The following PARN variants were observed in gnomAD, a reference collection of about 807,000 sequenced individuals.
PARN encodes the protein poly(A)-specific ribonuclease PARN.
PARN carries 71 observed loss-of-function variants against 102.8 expected under a neutral mutation model. That is an observed-to-expected ratio of 0.69 (90% CI 0.57 to 0.84). The LOEUF is 0.84. Among genes scored for constraint, PARN ranks in the 40% least tolerant of loss-of-function variants. PARN has a pLI of 0.00. For missense variants in PARN, 782 were observed against 760.9 expected, an observed-to-expected ratio of 1.03 and a Z score of -0.33; for synonymous variants, 261 against 252.9, an observed-to-expected ratio of 1.03 and a Z score of -0.30.
intron 22 of PARN, among the ~76,000 whole-genome samples, chr16:14,464,061 G>A (rs986576190): frequency 3.9e-5 from 6 of 152,062 alleles, no homozygotes; most frequent in South Asian, 2.1e-4. Context: ...CAGGCAGGTC[G>A]TGAACTCTTA....
intron 21 of PARN, among the ~76,000 whole-genome samples, chr16:14,539,515 C>T (rs976071501): frequency 2.0e-5 from 3 of 152,182 alleles, no homozygotes; most frequent in East Asian, 1.9e-4. Context: ...ATACATAAGA[C>T]GGCTAATTCT....
chr16:14,606,396 GGAAA>G, intron 10 of PARN, 84 bp downstream of exon 10: 2 of 495,610 alleles, frequency 4.0e-6, no homozygotes, highest in Admixed American at 4.8e-5. Context: ...AGACCCTGAG[GGAAA>G]AAAAAAAAGA....
Position 14,492,834 on chromosome 16 carries a change from T to C in PARN, c.1481-10007A>G, listed in dbSNP as rs371643238. On this transcript the variant is annotated intron_variant, in intron 21 of 23. Transcript: ENST00000437198. ...GCTCTGAGGCCACACAGGCCTGGGT[T>C]AGAATCCTGCCCAAACCTTAAGTTG... Among the ~76,000 whole-genome samples the C allele has an allele frequency of 4.5e-4, 69 of 152,324 alleles. 1 individual carries two copies. In the East Asian group the frequency reaches 0.01, roughly 23 times the overall value.
At chr16:14,491,192 G>A (rs1364161977) in intron 21 of PARN, among the ~76,000 whole-genome samples, 2 of 150,762 alleles carry the variant, frequency 1.3e-5, no homozygotes, top group African/African-American at 4.9e-5. Flanking sequence ...TCCTTACCCT[G>A]CTGACATGAT....
chr16:14,485,668 T>A (rs1405022040), intron 21 of PARN, among the ~76,000 whole-genome samples: 5 of 151,922 alleles, frequency 3.3e-5, no homozygotes, highest in African/African-American at 7.3e-5. Context: ...TTTTTTTTTT[T>A]AAGAAAGTTC....
intron 21 of PARN, among the ~76,000 whole-genome samples, chr16:14,487,714 G>A (rs924788746): frequency 6.6e-6 from 1 of 152,230 alleles, no homozygotes; most frequent in Admixed American, 6.5e-5. Flanking sequence ...GTGGTTGTGA[G>A]AGCCTGGGGC....
intron 13 of PARN, among the ~76,000 whole-genome samples, chr16:14,591,206 T>TGGTGAAACCCCATCTCCA: frequency 6.6e-6 from 1 of 151,764 alleles, no homozygotes; most frequent in South Asian, 2.1e-4. Flanking sequence ...CTGGCCAACA[T>TGGTGAAACCCCATCTCCA]GGTGAAACCC....
chr16:14,535,160 C>T (rs1020896306), intron 21 of PARN, among the ~76,000 whole-genome samples: 2 of 152,122 alleles, frequency 1.3e-5, no homozygotes, highest in African/African-American at 4.8e-5. Context: ...GTCATGTTTA[C>T]TTTTTATAAT....
intron 12 of PARN, among the ~76,000 whole-genome samples, chr16:14,597,095 T>TC (rs1234854246): frequency 6.6e-6 from 1 of 152,140 alleles, no homozygotes; most frequent in East Asian, 1.9e-4. Context: ...CCCATTTTTT[T>TC]CTTTATAGAA....
Position 14,606,509 on chromosome 16 carries a change from T to G in PARN, c.677A>C (p.His226Pro). The change falls in exon 10 of 24, where the codon CAT (histidine) becomes CCT (proline). Residue 226 changes from histidine (H) to proline (P), a missense_variant. Physicochemically the swap from His to Pro is moderately conservative, Grantham distance 77. Transcript: ENST00000437198. ...TLSWKYPKGI[H>P]VETLETEKKE... is the part of the protein sequence containing the mutation. ...CTTTTCAGTTTCTAAAGTCTCAACA[T>G]GAATGCCTTTCGGATACCTAAAGAA... The G allele has an allele frequency of 6.3e-7, 1 of 1,577,268 alleles. No homozygotes were observed. Among genetic ancestry groups the G allele is most frequent in the Non-Finnish European group, 8.7e-7 (1 of 1,154,410 alleles).
At chr16:14,589,781 C>T (rs12934743) in intron 13 of PARN, among the ~76,000 whole-genome samples, 30,533 of 151,464 alleles carry the variant, frequency 0.2, 3,719 homozygotes, top group Middle Eastern at 0.27. Flanking sequence ...GCAGAAGAAT[C>T]GCTTGAACCC....
rs938554258 is a variant in PARN at position 14,618,673 on chromosome 16, A to T, written c.328-1023T>A. Among the ~76,000 whole-genome samples the T allele has an allele frequency of 9.9e-5, 15 of 151,708 alleles. No individual in the cohort carries two copies. The East Asian group carries it at 2.3e-3, about 24-fold the overall frequency. ...GACTGTCTCAAAAAAAAAAAAAAAA[A>T]ATATTCCACTGGGCGAACGGATTAT... On this transcript the variant is annotated intron_variant, in intron 5 of 23. Transcript: ENST00000437198.
intron 21 of PARN, among the ~76,000 whole-genome samples, chr16:14,512,662 A>C (rs1005452148): frequency 1.3e-5 from 2 of 152,278 alleles, no homozygotes; most frequent in African/African-American, 4.8e-5. Flanking sequence ...TGGGCTCAGA[A>C]ACCTTTGATA....
intron 22 of PARN, among the ~76,000 whole-genome samples, chr16:14,460,309 A>G (rs1156906066): frequency 2.0e-5 from 3 of 152,252 alleles, no homozygotes; most frequent in Admixed American, 1.3e-4. Context: ...ATGACAGACA[A>G]AAACCAAAAC....
Position 14,446,965 on chromosome 16 carries a change from G to A in PARN, c.1787C>T (p.Ser596Phe), listed in dbSNP as rs1051834133. The change falls in exon 23 of 24, where the codon TCC becomes TTC. Residue 596 changes from serine (S) to phenylalanine (F), a missense_variant. By Grantham distance (155) the Ser-to-Phe change is radical. Coordinates refer to ENST00000437198, the MANE Select transcript of PARN (RefSeq NM_002582.4). ...ISDTELEQTD[S>F]CAEPLSEGRK... Reference sequence around the variant, plus strand: ...TCCCTCTGAGAGGGGCTCTGCACAGGAATCGGTCTGCTCAAGCTCAGTGTC... The same window carrying A: ...TCCCTCTGAGAGGGGCTCTGCACAGAAATCGGTCTGCTCAAGCTCAGTGTC... 2.5e-6 allele frequency: 4 copies of A among 1,613,550 alleles called. No individual in the cohort carries two copies. In the African/African-American group the frequency reaches 5.3e-5, roughly 22 times the overall value.
chr16:14,609,279 T>A (rs537869322), intron 7 of PARN, among the ~76,000 whole-genome samples, 156 bp from the exon 8 acceptor site: 7 of 152,206 alleles, frequency 4.6e-5, no homozygotes, highest in African/African-American at 7.2e-5. Flanking sequence ...AAGACTTTTT[T>A]AAAAATGCTT....
chr16:14,615,215 G>T (rs1971818444), intron 6 of PARN, among the ~76,000 whole-genome samples: 1 of 151,666 alleles, frequency 6.6e-6, no homozygotes, highest in South Asian at 2.1e-4. Context: ...TGGGAGTCCT[G>T]ACTATCGTGA....
chr16:14,523,898 T>G (rs1490145214), intron 21 of PARN, among the ~76,000 whole-genome samples: 1 of 151,480 alleles, frequency 6.6e-6, no homozygotes, highest in East Asian at 1.9e-4. Flanking sequence ...TACTAGATGG[T>G]GTAGCCTACT....
At chr16:14,513,408 T>A (rs901637238) in intron 21 of PARN, among the ~76,000 whole-genome samples, 5 of 152,214 alleles carry the variant, frequency 3.3e-5, no homozygotes, top group Admixed American at 3.3e-4. Flanking sequence ...CTACCAGTAA[T>A]GATTAGCGTT....
Sources: allele counts gnomAD v4.1 joint callset (sites outside exome capture counted in the v4.1 genomes callset), GRCh38; gene constraint gnomAD v4.1.1; transcripts MANE v1.5; gene names NCBI Gene and HGNC (gene_info 2026-07-23, HGNC 2026-07-21).